Variants in MPRIP observed in about 807,000 individuals in gnomAD.
MPRIP encodes myosin phosphatase Rho interacting protein.
A neutral mutation model predicts 234.9 loss-of-function variants in MPRIP; 59 were observed. The ratio of observed to expected loss-of-function variants is 0.25; its 90% CI spans 0.20 to 0.31. The LOEUF (loss-of-function observed/expected upper bound fraction) is 0.31, where lower values mean the gene tolerates loss of function less well. MPRIP is among the 10% of genes least tolerant of loss of function. The pLI, the probability that MPRIP is intolerant of heterozygous loss-of-function variation, is 1.00. For missense variants in MPRIP, 2,436 were observed against 3,071.0 expected, an observed-to-expected ratio of 0.79 and a Z score of 4.89; for synonymous variants, 1,144 against 1,263.9, an observed-to-expected ratio of 0.91 and a Z score of 2.01.
chr17:17,105,898 A>G (rs901802721), intron 3 of MPRIP, among the ~76,000 whole-genome samples: 2 of 152,220 alleles, frequency 1.3e-5, no homozygotes, highest in African/African-American at 2.4e-5. Flanking sequence ...CCTACCCCAT[A>G]TAGGACATCT....
Position 17,167,539 on chromosome 17 carries a change from A to G in MPRIP, c.5948A>G (p.Asp1983Gly), listed in dbSNP as rs746748927. ...AGCCAGCTGGATGCCTCGGTCAGAG[A>G]CAGGCAGGACATGGAGAGGCATCAT... ...VLSQLDASVRDRQDMERHHGE... is the reference protein window; with the variant it reads ...VLSQLDASVRGRQDMERHHGE... The change falls in exon 16 of 24, where the codon GAC becomes GGC. Residue 1983 changes from aspartate to glycine, a missense_variant. This residue lies in a region of MPRIP where 1,998 missense variants were observed against 2,520.3 expected (regional missense o/e 0.79). Transcript: ENST00000651222. The surrounding 1 kb of genome is among the most constrained non-coding windows in gnomAD (Gnocchi z 5.9). 107 of 1,304,140 alleles carry G rather than the reference A, an allele frequency of 8.2e-5. No individual in the cohort carries two copies. In the South Asian group the frequency reaches 1.3e-3, roughly 16 times the overall value. The allele number at this position is 1,304,140 out of a possible 1,614,324, so 80.8% of individuals were successfully genotyped here.
intron 3 of MPRIP, chr17:17,096,732 C>T (rs2089855054): frequency 2.1e-6 from 1 of 471,000 alleles, no homozygotes; most frequent in South Asian, 1.5e-5. Flanking sequence ...CCCAGGGCCT[C>T]AGAGCACTAA....
intron 3 of MPRIP, among the ~76,000 whole-genome samples, chr17:17,089,376 C>T (rs188636169): frequency 9.2e-4 from 140 of 152,344 alleles, no homozygotes; most frequent in African/African-American, 3.2e-3. Context: ...GTCACCACTA[C>T]AGTCTCTTGC....
rs750387461 is a variant in MPRIP, at chr17:17,042,959, G to A, written c.111G>A (p.Glu37=). The A allele has an allele frequency of 5.6e-6, 9 of 1,610,674 alleles. No individual in the cohort carries two copies. The highest frequency in any genetic ancestry group is 5.1e-6 in the Non-Finnish European group (6 of 1,178,636). ...GCGAGTCGCATCTGCTCAACGACGA[G>A]GACCTGACGCAGGTGAGCGACTGGG... ...KPRESHLLND[E]DLTQAKPIYG... Residue 37 remains glutamate (E), a synonymous_variant, in exon 1 of 24, where the codon GAG becomes GAA. Transcript: ENST00000651222.
intron 22 of MPRIP, chr17:17,178,619 C>G (rs1002180129): frequency 6.6e-6 from 1 of 152,120 alleles, no homozygotes; most frequent in Non-Finnish European, 1.5e-5. Context: ...TGAAAGAGGT[C>G]AAAACTCCTG....
intron 20 of MPRIP, 49 bp downstream of exon 20, chr17:17,175,461 C>T (rs2046235305): frequency 2.6e-6 from 4 of 1,523,670 alleles, no homozygotes; most frequent in Non-Finnish European, 3.5e-6. Flanking sequence ...CACCCAGGAA[C>T]CCCAGGGGAG....
At chr17:17,069,040 A>G (rs28829096) in intron 1 of MPRIP, among the ~76,000 whole-genome samples, 10,598 of 152,138 alleles carry the variant, frequency 0.07, 1,177 homozygotes, top group African/African-American at 0.24. Context: ...GTCTCCAACA[A>G]TATTTGTGGA....
intron 3 of MPRIP, among the ~76,000 whole-genome samples, chr17:17,118,391 TC>T (rs948756018): frequency 1.3e-5 from 2 of 152,142 alleles, no homozygotes; most frequent in Admixed American, 1.3e-4. Flanking sequence ...CATGCAGGTT[TC>T]ATGTGGGACA....
At chr17:17,050,314 CAAAAAAAA>C (rs66950979) in intron 1 of MPRIP, among the ~76,000 whole-genome samples, 11 of 92,274 alleles carry the variant, frequency 1.2e-4, no homozygotes, top group Non-Finnish European at 8.7e-5. Flanking sequence ...GACTCCGTCT[CAAAAAAAA>C]AAAAAAAAAA....
intron 15 of MPRIP, among the ~76,000 whole-genome samples, chr17:17,162,357 G>A (rs1002900299): frequency 4.6e-5 from 7 of 152,236 alleles, no homozygotes; most frequent in Non-Finnish European, 4.4e-5. Context: ...ACCGCAGTGC[G>A]CTGACCTTGG....
chr17:17,067,790 C>CTTTTTTTT (rs35187618), intron 1 of MPRIP, among the ~76,000 whole-genome samples: 19 of 76,744 alleles, frequency 2.5e-4, no homozygotes, highest in East Asian at 1.8e-3. Flanking sequence ...CTTCTTCTTC[C>CTTTTTTTT]TTTTTTTTTT....
At chr17:17,055,141 C>T (rs566321973) in intron 1 of MPRIP, among the ~76,000 whole-genome samples, 1 of 152,014 alleles carries the variant, frequency 6.6e-6, no homozygotes, top group African/African-American at 2.4e-5. Context: ...GAGGCCACTT[C>T]TGTGCCCCTG....
At position 17,164,576 on chromosome 17, in the gene MPRIP, G is replaced by A. The variant is rs1332340455; in HGVS notation, c.2985G>A (p.Glu995=). 21 of 1,211,106 alleles carry A rather than the reference G, an allele frequency of 1.7e-5. 1 individual carries two copies. Among genetic ancestry groups the A allele is most frequent in the Non-Finnish European group, 2.1e-5 (20 of 947,100 alleles). 75.0% of individuals were successfully genotyped at this position (1,211,106 alleles called of 1,614,324 possible). The change falls in exon 16 of 24, where the codon GAG becomes GAA. Residue 995 remains glutamate (E), a synonymous_variant. Transcript: ENST00000651222. ...AGAAGGAGGTCCAGAGGCTGCAGGA[G>A]CGCATTGCCGACCTCAGCCAGCAAC... ...DRQKEVQRLQ[E]RIADLSQQLG... is the part of the protein sequence containing the mutation.
intron 16 of MPRIP, chr17:17,168,145 G>T: frequency 2.9e-6 from 1 of 345,060 alleles, no homozygotes; most frequent in South Asian, 2.3e-5. Context: ...GGCCGCCAGG[G>T]TCCCTGGTGG....
chr17:17,167,462 G>A lies in MPRIP; in HGVS notation c.5871G>A (p.Glu1957=). 1 of 1,304,202 alleles carries A rather than the reference G, an allele frequency of 7.7e-7. No individual in the cohort carries two copies. Among genetic ancestry groups the A allele is most frequent in the South Asian group, 1.2e-5 (1 of 81,034 alleles). The allele number at this position is 1,304,202 out of a possible 1,614,324, so 80.8% of individuals were successfully genotyped here. The change falls in exon 16 of 24, where the codon GAG becomes GAA. Residue 1957 remains glutamate, a synonymous_variant. Transcript: ENST00000651222. This position sits in a 1 kb window ranked among gnomAD's most constrained non-coding sequence, Gnocchi z 5.9. ...AGGAGGAGATTCGGTGTGTGGTGGA[G>A]CAGCTGACCAGGACCGAGAGCACAC... ...RYEEEIRCVV[E]QLTRTESTLQ...
intron 1 of MPRIP, among the ~76,000 whole-genome samples, chr17:17,058,425 G>A (rs2088771124): frequency 6.6e-6 from 1 of 151,066 alleles, no homozygotes; most frequent in Non-Finnish European, 1.5e-5. Context: ...ACCTGGGGAG[G>A]AGAGCTCTAG....
In MPRIP at chr17:17,078,177, CCTGCTTGTGT is replaced by C; in HGVS notation, c.267+105_267+114del. On this transcript the variant is annotated intron_variant, in intron 3 of 23. Transcript: ENST00000651222. The surrounding 1 kb of genome is among the most constrained non-coding windows in gnomAD (Gnocchi z 4.3). ...TGTGAGAGCACAGCAGCCATGTGCT[CCTGCTTGTGT>C]CTGTTTGGGAGTGTGGAATGTTTTG... 1 of 1,236,862 alleles carries C rather than the reference CCTGCTTGTGT, an allele frequency of 8.1e-7. No individual in the cohort carries two copies. 76.6% of individuals were successfully genotyped at this position (1,236,862 alleles called of 1,614,324 possible). A position where few individuals can be genotyped will look rare whatever the true frequency, so the allele number is the denominator to read the frequency against.
chr17:17,129,189 G>A (rs568222748), intron 4 of MPRIP, among the ~76,000 whole-genome samples: 40 of 152,284 alleles, frequency 2.6e-4, no homozygotes, highest in African/African-American at 9.1e-4. Flanking sequence ...TCTTTTAGAC[G>A]AGGTGGGTTT....
chr17:17,116,975 T>G (rs2090297740), intron 3 of MPRIP, among the ~76,000 whole-genome samples: 1 of 152,156 alleles, frequency 6.6e-6, no homozygotes, highest in African/African-American at 2.4e-5. Context: ...TTATCAGCCA[T>G]CTTAGCACAA....
Sources: allele counts gnomAD v4.1 joint callset (sites outside exome capture counted in the v4.1 genomes callset), GRCh38; gene constraint gnomAD v4.1.1; regional missense constraint gnomAD v4.1.1; non-coding constraint Gnocchi (gnomAD v3.1); transcripts MANE v1.5; gene names NCBI Gene and HGNC (gene_info 2026-07-23, HGNC 2026-07-21).